Variants in PIBF1 observed in about 807,000 individuals in gnomAD.
PIBF1 encodes progesterone immunomodulatory binding factor 1.
A neutral mutation model predicts 112.5 loss-of-function variants in PIBF1; 90 were observed. The ratio of observed to expected loss-of-function variants is 0.80; its 90% CI spans 0.67 to 0.95. The LOEUF is 0.95. Ranked by LOEUF, PIBF1 falls within the 40% of genes least tolerant of loss-of-function variation. The probability of loss-of-function intolerance (pLI) is 0.00; values close to 1 mark genes in which losing one functional copy is unlikely to be tolerated. For synonymous variants in PIBF1, 301 were observed against 288.6 expected (o/e 1.04, Z -0.44); for missense variants, 915 against 852.3 (o/e 1.07, Z -0.92).
chr13:73,012,827 A>T (rs993070246), intron 17 of PIBF1, among the ~76,000 whole-genome samples: 2 of 151,928 alleles, frequency 1.3e-5, no homozygotes, highest in East Asian at 3.9e-4. Flanking sequence ...ATATCCAAGG[A>T]CTAAAGGATG....
At chr13:72,790,888 CAG>C (rs150967435) in intron 2 of PIBF1, among the ~76,000 whole-genome samples, 228 of 152,228 alleles carry the variant, frequency 1.5e-3, no homozygotes, top group African/African-American at 5.4e-3. Context: ...TGAAGACCAA[CAG>C]AGAAATGGTG....
chr13:72,796,944 C>T (rs1250896687), intron 4 of PIBF1, among the ~76,000 whole-genome samples: 1 of 151,796 alleles, frequency 6.6e-6, no homozygotes, highest in Non-Finnish European at 1.5e-5. Flanking sequence ...CTTGTAATAC[C>T]GTCATATGTT....
At chr13:72,810,965 T>C (rs1593945371) in intron 5 of PIBF1, among the ~76,000 whole-genome samples, 1 of 151,954 alleles carries the variant, frequency 6.6e-6, no homozygotes. Flanking sequence ...CACACCATTC[T>C]CCTGCCTCAG....
intron 13 of PIBF1, among the ~76,000 whole-genome samples, chr13:72,928,006 C>CACAT (rs750684543): frequency 0.33 from 33,735 of 102,262 alleles, 6,373 homozygotes; most frequent in South Asian, 0.54. Flanking sequence ...CATATATATA[C>CACAT]ATATATATAC....
At chr13:72,950,156 G>A (rs1246804267) in intron 14 of PIBF1, among the ~76,000 whole-genome samples, 1 of 152,040 alleles carries the variant, frequency 6.6e-6, no homozygotes, top group Non-Finnish European at 1.5e-5. Flanking sequence ...AATTGGCTGT[G>A]GTTTTCTTAG....
intron 13 of PIBF1, among the ~76,000 whole-genome samples, chr13:72,927,278 G>A (rs568767801): frequency 6.6e-6 from 1 of 152,206 alleles, no homozygotes; most frequent in Non-Finnish European, 1.5e-5. Flanking sequence ...GGCCGAGGTG[G>A]GCGGATCACG....
At chr13:72,813,720 A>G (rs1162424624) in intron 5 of PIBF1, among the ~76,000 whole-genome samples, 1 of 152,210 alleles carries the variant, frequency 6.6e-6, no homozygotes, top group Non-Finnish European at 1.5e-5. Flanking sequence ...TGTAACTTCA[A>G]AATCCCAGAA....
At chr13:72,863,924 T>C (rs1168661373) in intron 10 of PIBF1, among the ~76,000 whole-genome samples, 1 of 152,210 alleles carries the variant, frequency 6.6e-6, no homozygotes, top group African/African-American at 2.4e-5. Context: ...CCAGAGGCAA[T>C]GATCACATTT....
At chr13:72,824,923 A>G (rs1304048303) in intron 6 of PIBF1, among the ~76,000 whole-genome samples, 1 of 152,190 alleles carries the variant, frequency 6.6e-6, no homozygotes. Flanking sequence ...TCTGAGAATC[A>G]TTTCTGTAGT....
intron 10 of PIBF1, among the ~76,000 whole-genome samples, chr13:72,878,744 T>G (rs755604560): frequency 6.6e-6 from 1 of 152,212 alleles, no homozygotes; most frequent in Non-Finnish European, 1.5e-5. Flanking sequence ...ACTATAGTAG[T>G]AGATTCATGT....
intron 10 of PIBF1, among the ~76,000 whole-genome samples, chr13:72,876,825 A>G (rs892138879): frequency 3.9e-5 from 6 of 152,184 alleles, no homozygotes; most frequent in African/African-American, 7.2e-5. Flanking sequence ...TTTTCAGCCA[A>G]TTCTTTCAGA....
intron 17 of PIBF1, among the ~76,000 whole-genome samples, chr13:73,011,065 A>AT (rs1309935794): frequency 6.8e-6 from 1 of 148,088 alleles, no homozygotes; most frequent in East Asian, 1.9e-4. Context: ...ACCTCAGGTG[A>AT]TCCCCCCCAC....
intron 15 of PIBF1, among the ~76,000 whole-genome samples, chr13:72,972,048 A>ATTTAT (rs959326644): frequency 8.6e-6 from 1 of 116,942 alleles, no homozygotes; most frequent in Non-Finnish European, 2.0e-5. Flanking sequence ...TTATTTATTT[A>ATTTAT]TTTTTTGAGA....
chr13:72,964,959 A>C (rs1566497036), intron 14 of PIBF1, among the ~76,000 whole-genome samples: 1 of 152,118 alleles, frequency 6.6e-6, no homozygotes. Flanking sequence ...CTACTCGGAA[A>C]GCTGAGGCAG....
intron 11 of PIBF1, among the ~76,000 whole-genome samples, chr13:72,904,429 A>ATTTTTTTTTTTTTTT (rs1240090172): frequency 7.1e-4 from 36 of 51,058 alleles, no homozygotes; most frequent in South Asian, 1.5e-3. Context: ...ATATCAAAAT[A>ATTTTTTTTTTTTTTT]TTTCTTTTTT....
intron 16 of PIBF1, among the ~76,000 whole-genome samples, chr13:72,989,701 A>G (rs1386676263): frequency 2.0e-5 from 3 of 152,136 alleles, no homozygotes; most frequent in Non-Finnish European, 4.4e-5. Flanking sequence ...TTGACTGGTA[A>G]TTGTTGCATG....
chr13:72,795,059 A>G (rs1296485136), intron 3 of PIBF1, among the ~76,000 whole-genome samples: 1 of 152,206 alleles, frequency 6.6e-6, no homozygotes, highest in Admixed American at 6.5e-5. Flanking sequence ...TTGATGTTTA[A>G]CATTAAACCT....
intron 10 of PIBF1, among the ~76,000 whole-genome samples, chr13:72,863,493 TGAAAAA>T (rs1346956420): frequency 7.8e-6 from 1 of 127,622 alleles, no homozygotes; most frequent in Admixed American, 9.0e-5. Context: ...CTACTAAAAA[TGAAAAA>T]AAAAAAAAAT....
chr13:72,839,422 T>C (rs1278093598), intron 9 of PIBF1, among the ~76,000 whole-genome samples: 2 of 152,200 alleles, frequency 1.3e-5, no homozygotes, highest in Middle Eastern at 3.2e-3. Flanking sequence ...AATTTAGTTG[T>C]TTCACTTGAA....
Sources: gnomAD v4.1 joint callset for allele counts (sites outside exome capture counted in the v4.1 genomes callset) on GRCh38, gnomAD v4.1.1 for gene constraint, MANE v1.5 for transcripts, NCBI Gene and HGNC (gene_info 2026-07-23, HGNC 2026-07-21) for gene names.